GNAI1: variants seen among roughly 807,000 people sequenced by gnomAD.
The protein encoded by GNAI1 is guanine nucleotide-binding protein G(i) subunit alpha-1.
GNAI1 carries 11 observed loss-of-function variants against 38.9 expected under a neutral mutation model. That is an observed-to-expected ratio of 0.28 (90% CI 0.18 to 0.47). GNAI1 has a LOEUF of 0.47. GNAI1 is among the 20% of genes least tolerant of loss of function. The pLI, the probability that GNAI1 is intolerant of heterozygous loss-of-function variation, is 0.99. For missense variants in GNAI1, 317 were observed against 436.9 expected (o/e 0.73, Z 2.45); for synonymous variants, 166 against 145.1 (o/e 1.14, Z -1.04).
In GNAI1 at chr7:80,223,792, T is replaced by C. The variant is rs1388849091; in HGVS notation, c.*6299T>C. The stretch of plus-strand genomic sequence containing the variant: ...CAAGGCAATTTACCTGTAATAAATA[T>C]AACTTTTTTGCAGACTTGAGCATAC... On this transcript the variant is annotated 3_prime_UTR_variant, in exon 8 of 8. Transcript: ENST00000649796. Among the ~76,000 whole-genome samples the C allele has an allele frequency of 6.6e-6, 1 of 151,268 alleles. No individual in the cohort carries two copies. The highest frequency in any genetic ancestry group is 1.5e-5 in the Non-Finnish European group (1 of 68,044).
In GNAI1 at chr7:80,219,027, T is replaced by TTGTGTGTGTGTGTGTGTGTGTG. The variant is rs57485323; in HGVS notation, c.*1546_*1567dup. 1 of 145,832 alleles carries TTGTGTGTGTGTGTGTGTGTGTG rather than the reference T, an allele frequency of 6.9e-6. No individual in the cohort carries two copies. The highest frequency in any genetic ancestry group is 2.2e-4 in the South Asian group (1 of 4,478). 9.0% of individuals were successfully genotyped at this position (145,832 alleles called of 1,614,324 possible). A position where few individuals can be genotyped will look rare whatever the true frequency, so the allele number is the denominator to read the frequency against. On this transcript the variant is annotated 3_prime_UTR_variant, in exon 8 of 8. Transcript: ENST00000649796. ...GTGTTGTCACTGGGTTGAAGTATAT[T>TTGTGTGTGTGTGTGTGTGTGTG]TGTGTGTGTGTGTGTGTGTGTGTGT...
chr7:80,171,626 C>T (rs1788099943), intron 1 of GNAI1, among the ~76,000 whole-genome samples: 1 of 152,146 alleles, frequency 6.6e-6, no homozygotes, highest in African/African-American at 2.4e-5. Context: ...CAGGGCGAAA[C>T]AATCCTATTG....
intron 5 of GNAI1, among the ~76,000 whole-genome samples, chr7:80,205,999 A>G (rs1379275361): frequency 1.3e-5 from 2 of 152,020 alleles, no homozygotes; most frequent in African/African-American, 4.8e-5. Flanking sequence ...AAAGGTTCCT[A>G]AGTGAGAGAA....
intron 7 of GNAI1, 103 bp from the exon 8 acceptor site, chr7:80,217,200 G>A: frequency 1.4e-6 from 1 of 691,538 alleles, no homozygotes; most frequent in Non-Finnish European, 2.3e-6. Context: ...GAATGAAACT[G>A]TATGAAACTG....
chr7:80,182,384 C>T (rs1023495656), intron 1 of GNAI1, among the ~76,000 whole-genome samples: 3 of 152,136 alleles, frequency 2.0e-5, no homozygotes, highest in Admixed American at 6.5e-5. Context: ...ATACCTATCT[C>T]AGAAGTGAAT....
intron 1 of GNAI1, among the ~76,000 whole-genome samples, chr7:80,142,074 C>T (rs922134170): frequency 6.6e-6 from 1 of 152,170 alleles, no homozygotes; most frequent in African/African-American, 2.4e-5. Context: ...TGAGCCCACA[C>T]TGGGAGAGAC....
At chr7:80,173,727 A>G (rs1459075607) in intron 1 of GNAI1, among the ~76,000 whole-genome samples, 2 of 152,188 alleles carry the variant, frequency 1.3e-5, no homozygotes, top group South Asian at 2.1e-4. Flanking sequence ...CTGGCATCAC[A>G]AATGAAATAT....
rs1297113264 is a variant in GNAI1, at chr7:80,225,286, C to G, written c.*7793C>G. ...ACATACACATTTTAAGATCTATACT[C>G]TAAAACAGGGTTTTGAAATTAGCAG... On this transcript the variant is annotated 3_prime_UTR_variant, in exon 8 of 8. Transcript: ENST00000649796. Among the ~76,000 whole-genome samples the G allele has an allele frequency of 1.3e-5, 2 of 152,154 alleles. No homozygotes were observed. The highest frequency in any genetic ancestry group is 2.9e-5 in the Non-Finnish European group (2 of 68,026).
intron 1 of GNAI1, among the ~76,000 whole-genome samples, chr7:80,148,453 A>G (rs1010294327): frequency 6.6e-6 from 1 of 152,034 alleles, no homozygotes; most frequent in Non-Finnish European, 1.5e-5. Flanking sequence ...TAATTCATAG[A>G]CTTGTGTAGA....
chr7:80,199,158 G>T, intron 3 of GNAI1, 67 bp from the exon 4 acceptor site: 3 of 1,047,048 alleles, frequency 2.9e-6, no homozygotes, highest in East Asian at 2.6e-5. Flanking sequence ...CTCTAGAATT[G>T]TCTCCTTTGT....
At chr7:80,146,860 A>G (rs902564834) in intron 1 of GNAI1, among the ~76,000 whole-genome samples, 1 of 152,178 alleles carries the variant, frequency 6.6e-6, no homozygotes, top group South Asian at 2.1e-4. Flanking sequence ...AACATTCATC[A>G]TGTTCTAGAT....
chr7:80,155,827 C>T (rs943017734), intron 1 of GNAI1, among the ~76,000 whole-genome samples: 2 of 151,776 alleles, frequency 1.3e-5, no homozygotes, highest in African/African-American at 2.4e-5. Context: ...GAGGCTGAGG[C>T]GGGTGGATCA....
intron 1 of GNAI1, among the ~76,000 whole-genome samples, chr7:80,165,422 A>G (rs1348662050): frequency 6.6e-6 from 1 of 152,202 alleles, no homozygotes; most frequent in Non-Finnish European, 1.5e-5. Context: ...GAATCTGCTA[A>G]TGGAAGGGTG....
chr7:80,213,572 T>G lies in GNAI1; in HGVS notation c.874+703T>G, dbSNP rs146281968. On this transcript the variant is annotated intron_variant, in intron 7 of 7. Coordinates refer to ENST00000649796, the MANE Select transcript of GNAI1 (RefSeq NM_002069.6). ...TTAGTTTTAGTTTAATTTAGTTCCTTGGAGCACCTCCTGGGTTGCTGTTGA... is the reference window on the plus strand; with the variant it reads ...TTAGTTTTAGTTTAATTTAGTTCCTGGGAGCACCTCCTGGGTTGCTGTTGA... Among the ~76,000 whole-genome samples, 50 of 152,236 alleles carry G rather than the reference T, an allele frequency of 3.3e-4. 2 individuals carry two copies. Among genetic ancestry groups the G allele is most frequent in the African/African-American group, 1.2e-3 (50 of 41,546 alleles).
chr7:80,205,590 A>AT (rs5885170), intron 5 of GNAI1, among the ~76,000 whole-genome samples: 9 of 151,554 alleles, frequency 5.9e-5, no homozygotes, highest in East Asian at 1.9e-4. Flanking sequence ...CCAGTTTGTG[A>AT]TTTTTTTTTA....
chr7:80,169,164 G>C (rs1450981879), intron 1 of GNAI1, among the ~76,000 whole-genome samples: 1 of 152,162 alleles, frequency 6.6e-6, no homozygotes, highest in East Asian at 1.9e-4. Context: ...TGTCTTGACA[G>C]ATGACAATTG....
chr7:80,161,762 A>T (rs979494227), intron 1 of GNAI1, among the ~76,000 whole-genome samples: 1 of 151,892 alleles, frequency 6.6e-6, no homozygotes, highest in Non-Finnish European at 1.5e-5. Context: ...GTCCAAAGAG[A>T]TTTTTTTTAG....
At chr7:80,181,016 T>G (rs1036897209) in intron 1 of GNAI1, among the ~76,000 whole-genome samples, 4 of 152,068 alleles carry the variant, frequency 2.6e-5, no homozygotes, top group African/African-American at 9.7e-5. Context: ...CTTGATAGCT[T>G]TCATATAAAA....
chr7:80,219,830 T>G lies in GNAI1; in HGVS notation c.*2337T>G, dbSNP rs555838739. Among the ~76,000 whole-genome samples, 5 of 152,190 alleles carry G rather than the reference T, an allele frequency of 3.3e-5. No homozygotes were observed. Among genetic ancestry groups the G allele is most frequent in the Non-Finnish European group, 5.9e-5 (4 of 68,020 alleles). On this transcript the variant is annotated 3_prime_UTR_variant, in exon 8 of 8. Transcript: ENST00000649796. ...CACCTATCAACCTGTCATCTAAGTT[T>G]TAAGCCCTGCATGCATTAGGTGGAA...
Sources: gnomAD v4.1 joint callset for allele counts (sites outside exome capture counted in the v4.1 genomes callset) on GRCh38, gnomAD v4.1.1 for gene constraint, MANE v1.5 for transcripts, NCBI Gene and HGNC (gene_info 2026-07-23, HGNC 2026-07-21) for gene names.